Variants in ELOVL6 observed in about 807,000 individuals in gnomAD.
ELOVL6 encodes ELOVL fatty acid elongase 6, also known as very long chain fatty acid elongase 6.
In ELOVL6, 8 loss-of-function variants were observed where a neutral mutation model predicts 31.7. The observed-to-expected ratio is 0.25, with a 90% CI of 0.15 to 0.45. The LOEUF (loss-of-function observed/expected upper bound fraction) is 0.45, where lower values mean the gene tolerates loss of function less well. Ranked by LOEUF, ELOVL6 falls within the 20% of genes least tolerant of loss-of-function variation. The pLI is 1.00. For missense variants in ELOVL6, 126 were observed against 326.4 expected (o/e 0.39, Z 4.73); for synonymous variants, 101 against 117.7 (o/e 0.86, Z 0.92).
intron 1 of ELOVL6, among the ~76,000 whole-genome samples, chr4:110,172,666 A>G (rs143387319): frequency 1.7e-3 from 257 of 152,346 alleles, no homozygotes; most frequent in African/African-American, 5.7e-3. Context: ...TCTTCTTAAG[A>G]AACGTCTTTT....
At chr4:110,107,440 T>G (rs555097507) in intron 1 of ELOVL6, among the ~76,000 whole-genome samples, 131 of 152,292 alleles carry the variant, frequency 8.6e-4, no homozygotes, top group Non-Finnish European at 7.8e-4. Context: ...TAACAGAAAG[T>G]TGTACTTTCC....
intron 2 of ELOVL6, among the ~76,000 whole-genome samples, chr4:110,079,778 C>CA (rs373988596): frequency 4.0e-5 from 6 of 151,604 alleles, no homozygotes; most frequent in Admixed American, 6.6e-5. Context: ...AAAAACCCTT[C>CA]AAAAAAAATC....
At chr4:110,082,215 A>C (rs908038778) in intron 2 of ELOVL6, among the ~76,000 whole-genome samples, 5 of 151,758 alleles carry the variant, frequency 3.3e-5, no homozygotes, top group African/African-American at 1.2e-4. Context: ...AACTAGAAAT[A>C]CCATTTGACC....
In ELOVL6 at chr4:110,105,544, T is replaced by C. The variant is rs1756864109; in HGVS notation, c.174A>G (p.Glu58=). The C allele has an allele frequency of 6.2e-7, 1 of 1,613,754 alleles. No individual in the cohort carries two copies. The highest frequency in any genetic ancestry group is 8.5e-7 in the Non-Finnish European group (1 of 1,179,794). ...RHLMNKRAKF[E]LRKPLVLWSL... ...ACCAGAGCACTAATGGCTTCCTCAG[T>C]TCAAACTTTGCTCGTTTATTCATTA... Residue 58 remains glutamate (E), a synonymous_variant, in exon 2 of 4, where the codon GAA becomes GAG. Transcript: ENST00000302274.
chr4:110,061,568 T>TTTTTTTTTTTTTTTTTTTTTTTTTC (rs1755142580), intron 2 of ELOVL6, among the ~76,000 whole-genome samples: 1 of 115,008 alleles, frequency 8.7e-6, no homozygotes, highest in Non-Finnish European at 1.7e-5. Context: ...TTTTTTTTTT[T>TTTTTTTTTTTTTTTTTTTTTTTTTC]TTTTTTGAGA....
chr4:110,058,925 T>G (rs1182176060), intron 3 of ELOVL6, among the ~76,000 whole-genome samples: 1 of 152,182 alleles, frequency 6.6e-6, no homozygotes, highest in Non-Finnish European at 1.5e-5. Context: ...AAAGACATCT[T>G]CCTGGAAAAC....
At chr4:110,078,896 T>C (rs1755741975) in intron 2 of ELOVL6, among the ~76,000 whole-genome samples, 2 of 152,038 alleles carry the variant, frequency 1.3e-5, no homozygotes, top group African/African-American at 4.8e-5. Context: ...TGGAGGAAGA[T>C]CTACCAAGCA....
Position 110,102,163 on chromosome 4 carries a change from T to A in ELOVL6, c.221+3334A>T, listed in dbSNP as rs534530082. ...AAATTCTGGCTTAAAAAAATTAAGA[T>A]CCACTTTTTAAAACCTTAGACTGCA... On this transcript the variant is annotated intron_variant, in intron 2 of 3. Transcript: ENST00000302274. 2.6e-5 allele frequency among the ~76,000 whole-genome samples: 4 copies of A among 152,286 alleles called. No homozygotes were observed. In the South Asian group the frequency reaches 8.3e-4, roughly 32 times the overall value.
intron 1 of ELOVL6, among the ~76,000 whole-genome samples, chr4:110,130,595 A>C (rs1757639619): frequency 6.6e-6 from 1 of 152,258 alleles, no homozygotes; most frequent in Non-Finnish European, 1.5e-5. Flanking sequence ...GAAACATATA[A>C]GGACAACGTT....
At chr4:110,198,728 C>T (rs945004755), upstream of ELOVL6, 9 of 177,840 alleles carry the variant, frequency 5.1e-5, no homozygotes, top group African/African-American at 1.9e-4. Flanking sequence ...AGCGCGACCT[C>T]TCTCCGCCCG....
At chr4:110,150,034 TC>T (rs1231049493) in intron 1 of ELOVL6, among the ~76,000 whole-genome samples, 2 of 152,134 alleles carry the variant, frequency 1.3e-5, no homozygotes, top group African/African-American at 4.8e-5. Context: ...GGAAACTGTT[TC>T]TTTTTTTTTC....
chr4:110,090,485 T>G (rs1396987793), intron 2 of ELOVL6, among the ~76,000 whole-genome samples: 1 of 152,046 alleles, frequency 6.6e-6, no homozygotes, highest in Non-Finnish European at 1.5e-5. Flanking sequence ...ACTTGAGATG[T>G]GACTCACACT....
At chr4:110,079,755 A>G (rs1256702888) in intron 2 of ELOVL6, among the ~76,000 whole-genome samples, 4 of 149,754 alleles carry the variant, frequency 2.7e-5, no homozygotes, top group Admixed American at 6.7e-5. Context: ...GAACTGAAGG[A>G]AACAGAGACA....
intron 2 of ELOVL6, among the ~76,000 whole-genome samples, chr4:110,079,696 AAC>A (rs1485140983): frequency 2.0e-5 from 3 of 152,198 alleles, no homozygotes; most frequent in African/African-American, 4.8e-5. Context: ...AGCAAGAGCA[AAC>A]ACAGTCAAAA....
At chr4:110,153,073 T>G (rs1758324553) in intron 1 of ELOVL6, among the ~76,000 whole-genome samples, 1 of 152,126 alleles carries the variant, frequency 6.6e-6, no homozygotes, top group African/African-American at 2.4e-5. Context: ...AAATAAGAAA[T>G]TCACATTTTA....
chr4:110,194,546 G>C (rs1285814368), intron 1 of ELOVL6, among the ~76,000 whole-genome samples: 3 of 152,192 alleles, frequency 2.0e-5, no homozygotes, highest in African/African-American at 7.2e-5. Flanking sequence ...AGGCCAATGA[G>C]TATGAGGTTA....
chr4:110,117,867 G>A, intron 1 of ELOVL6: 1 of 36,130 alleles, frequency 2.8e-5, no homozygotes, highest in African/African-American at 1.1e-4. Flanking sequence ...GGGCAACAGA[G>A]TGAGACTCTG....
At chr4:110,100,505 T>A (rs75494373) in intron 2 of ELOVL6, among the ~76,000 whole-genome samples, 3,294 of 152,232 alleles carry the variant, frequency 0.022, 78 homozygotes, top group African/African-American at 0.058. Context: ...TTTTTAAGTA[T>A]GCTGCAGATA....
intron 2 of ELOVL6, among the ~76,000 whole-genome samples, chr4:110,084,391 T>TATGACATATATCGCATAC (rs1560815169): frequency 9.3e-6 from 1 of 107,796 alleles, no homozygotes; most frequent in African/African-American, 3.5e-5. Flanking sequence ...ATATCGCATA[T>TATGACATATATCGCATAC]ATGATATATG....
Sources: allele counts gnomAD v4.1 joint callset (sites outside exome capture counted in the v4.1 genomes callset), GRCh38; gene constraint gnomAD v4.1.1; transcripts MANE v1.5; gene names NCBI Gene and HGNC (gene_info 2026-07-23, HGNC 2026-07-21).